Variants in NRXN3 observed in about 807,000 individuals in gnomAD.
NRXN3 encodes the protein neurexin 3.
A neutral mutation model predicts 137.6 loss-of-function variants in NRXN3; 32 were observed. That is an observed-to-expected ratio of 0.23 (90% confidence interval 0.18 to 0.31). NRXN3 has a LOEUF of 0.31. NRXN3 is among the 10% of genes least tolerant of loss of function. The pLI is 1.00. For synonymous variants in NRXN3, 798 were observed against 784.5 expected, an observed-to-expected ratio of 1.02 and a Z score of -0.29; for missense variants, 1,574 against 2,062.5, an observed-to-expected ratio of 0.76 and a Z score of 4.59.
At chr14:79,262,640 T>C (rs2077806849) in intron 15 of NRXN3, among the ~76,000 whole-genome samples, 1 of 152,208 alleles carries the variant, frequency 6.6e-6, no homozygotes, top group Non-Finnish European at 1.5e-5. Context: ...AATGCTTCTA[T>C]TAAAATGTTG....
chr14:78,346,949 G>A (rs999668079), intron 4 of NRXN3, among the ~76,000 whole-genome samples: 3 of 152,202 alleles, frequency 2.0e-5, no homozygotes, highest in African/African-American at 7.2e-5. Flanking sequence ...TGACAGCAAA[G>A]GGTGATGGAT....
At chr14:79,229,290 C>T (rs767783603) in intron 15 of NRXN3, among the ~76,000 whole-genome samples, 7 of 152,142 alleles carry the variant, frequency 4.6e-5, no homozygotes, top group Non-Finnish European at 1.0e-4. Context: ...AAATTTAATA[C>T]ATAATTGATC....
At chr14:79,394,000 A>T (rs764766194) in intron 15 of NRXN3, among the ~76,000 whole-genome samples, 2 of 152,224 alleles carry the variant, frequency 1.3e-5, no homozygotes, top group Non-Finnish European at 2.9e-5. Context: ...TTTGACTTAA[A>T]ATATCAGCTA....
intron 6 of NRXN3, among the ~76,000 whole-genome samples, chr14:78,685,245 C>A (rs996924833): frequency 6.6e-6 from 1 of 152,086 alleles, no homozygotes; most frequent in Admixed American, 6.6e-5. Context: ...TGTTTTTGCC[C>A]CTGGATCTCC....
chr14:78,428,941 C>A (rs1429138062), intron 4 of NRXN3, among the ~76,000 whole-genome samples: 1 of 152,146 alleles, frequency 6.6e-6, no homozygotes, highest in Non-Finnish European at 1.5e-5. Context: ...TATCTGGGTA[C>A]CTGATAGCCC....
At chr14:78,764,825 T>G (rs1384992429) in intron 8 of NRXN3, among the ~76,000 whole-genome samples, 1 of 152,114 alleles carries the variant, frequency 6.6e-6, no homozygotes, top group Non-Finnish European at 1.5e-5. Flanking sequence ...TAGACCTTGC[T>G]CAGCGAGCCA....
chr14:78,414,410 GTC>G (rs1244880234), intron 4 of NRXN3, among the ~76,000 whole-genome samples: 1 of 152,158 alleles, frequency 6.6e-6, no homozygotes, highest in African/African-American at 2.4e-5. Flanking sequence ...GATACATTGT[GTC>G]TAGTCACCAG....
chr14:78,893,526 G>T lies in NRXN3; in HGVS notation c.2276-63716G>T, dbSNP rs147019313. The stretch of plus-strand genomic sequence containing the variant: ...AGGGATTGAGTCGTGAAGACCAGAA[G>T]TACTGATAATCATTTAGCTTATTTG... On this transcript the variant is annotated intron_variant, in intron 10 of 20. Transcript: ENST00000335750. 3.9e-3 allele frequency among the ~76,000 whole-genome samples: 586 copies of T among 152,014 alleles called. 1 individual carries two copies. The highest frequency in any genetic ancestry group is 5.7e-3 in the Non-Finnish European group (389 of 67,886).
intron 4 of NRXN3, among the ~76,000 whole-genome samples, chr14:78,405,253 A>G (rs1382765942): frequency 6.6e-6 from 1 of 152,144 alleles, no homozygotes; most frequent in East Asian, 1.9e-4. Flanking sequence ...AGGGCAGATA[A>G]CAGTCATGCA....
intron 4 of NRXN3, among the ~76,000 whole-genome samples, chr14:78,408,151 A>G (rs373666343): frequency 1.3e-5 from 2 of 152,146 alleles, no homozygotes; most frequent in African/African-American, 4.8e-5. Flanking sequence ...AACTGTTTCT[A>G]CTGGGAAGAC....
chr14:79,710,345 T>C (rs1411155801), intron 19 of NRXN3, among the ~76,000 whole-genome samples: 1 of 152,026 alleles, frequency 6.6e-6, no homozygotes, highest in Non-Finnish European at 1.5e-5. Flanking sequence ...TTGAAAGGGC[T>C]ACTTTAAAAA....
chr14:78,879,392 T>G (rs114377682), intron 10 of NRXN3, among the ~76,000 whole-genome samples: 9,420 of 151,532 alleles, frequency 0.062, 577 homozygotes, highest in African/African-American at 0.16. Flanking sequence ...TGATAACAAC[T>G]AATCTATAGT....
chr14:78,171,249 G>A (rs550476473), intron 1 of NRXN3, among the ~76,000 whole-genome samples: 109 of 146,020 alleles, frequency 7.5e-4, no homozygotes, highest in Non-Finnish European at 1.4e-3. Context: ...GGGGGTGTGA[G>A]GAGGTGGTCC....
At chr14:79,853,752 C>A (rs1568460304) in intron 20 of NRXN3, 1 of 1,070,174 alleles carries the variant, frequency 9.3e-7, no homozygotes, top group Non-Finnish European at 1.1e-6. Context: ...TAAAGAAAGC[C>A]TAAAATTTGT....
chr14:78,612,365 G>T (rs1013501293), intron 4 of NRXN3, among the ~76,000 whole-genome samples: 2 of 152,138 alleles, frequency 1.3e-5, no homozygotes, highest in African/African-American at 4.8e-5. Context: ...GGTGAGGGAA[G>T]AACTAAATGT....
intron 4 of NRXN3, among the ~76,000 whole-genome samples, chr14:78,597,047 G>T (rs189138954): frequency 1.5e-4 from 23 of 152,292 alleles, no homozygotes; most frequent in African/African-American, 5.5e-4. Flanking sequence ...GTATCCTGGG[G>T]GTTTCCTCTT....
intron 6 of NRXN3, among the ~76,000 whole-genome samples, chr14:78,693,656 CGTGT>C (rs4016744): frequency 0.32 from 36,070 of 113,162 alleles, 6,129 homozygotes; most frequent in Non-Finnish European, 0.39. Context: ...AGTTGATTTT[CGTGT>C]GTGTGTGTGT....
intron 15 of NRXN3, among the ~76,000 whole-genome samples, chr14:79,305,956 T>C (rs11852042): frequency 0.012 from 1,808 of 152,224 alleles, 47 homozygotes; most frequent in African/African-American, 0.042. Flanking sequence ...TCTAAATCTA[T>C]GGAAACTTCA....
intron 10 of NRXN3, among the ~76,000 whole-genome samples, chr14:78,899,478 T>C (rs2152735898): frequency 6.6e-6 from 1 of 152,102 alleles, no homozygotes; most frequent in South Asian, 2.1e-4. Context: ...CTAGATTTTG[T>C]TGTTTTGTGT....
Sources: allele counts gnomAD v4.1 joint callset (sites outside exome capture counted in the v4.1 genomes callset), GRCh38; gene constraint gnomAD v4.1.1; transcripts MANE v1.5; gene names NCBI Gene and HGNC (gene_info 2026-07-23, HGNC 2026-07-21).